Variants in ZNF510 observed in about 807,000 individuals in gnomAD.
ZNF510 encodes zinc finger protein 510.
A neutral mutation model predicts 18.1 loss-of-function variants in ZNF510; 15 were observed. The ratio of observed to expected loss-of-function variants is 0.83; its 90% CI spans 0.55 to 1.28. ZNF510 has a LOEUF of 1.28. ZNF510 is among the 50% of genes most tolerant of loss of function. ZNF510 has a pLI of 0.00. For synonymous variants in ZNF510, 261 were observed against 266.4 expected, an observed-to-expected ratio of 0.98 and a Z score of 0.20; for missense variants, 724 against 791.8, an observed-to-expected ratio of 0.91 and a Z score of 1.03.
chr9:96,770,870 C>T (rs1414382087), intron 3 of ZNF510, among the ~76,000 whole-genome samples: 1 of 152,074 alleles, frequency 6.6e-6, no homozygotes, highest in South Asian at 2.1e-4. Context: ...AAATTGTACA[C>T]TTTAAAAGTG....
chr9:96,774,685 T>A, intron 3 of ZNF510, 103 bp downstream of exon 3: 1 of 1,074,700 alleles, frequency 9.3e-7, no homozygotes, highest in South Asian at 1.5e-5. Context: ...TTTCTATATA[T>A]TCCTTGAATG....
rs974915038 is a variant in ZNF510 at position 96,757,042 on chromosome 9, A to G, written c.*1736T>C. ...AAGTACCTCACCCATAAAGTTATTA[A>G]ATTTGTTTGCCTTCCCATTGCCAAA... On this transcript the variant is annotated 3_prime_UTR_variant, in exon 6 of 6. Transcript: ENST00000223428. The G allele has an allele frequency of 6.6e-6, 1 of 152,234 alleles. No individual in the cohort carries two copies. The highest frequency in any genetic ancestry group is 2.4e-5 in the African/African-American group (1 of 41,460). 9.4% of individuals were successfully genotyped at this position (152,234 alleles called of 1,614,324 possible).
At chr9:96,761,204 T>A (rs1418660841) in intron 5 of ZNF510, among the ~76,000 whole-genome samples, 3 of 152,194 alleles carry the variant, frequency 2.0e-5, no homozygotes, top group African/African-American at 4.8e-5. Flanking sequence ...ATTTATTCCA[T>A]CAGAACTAAG....
rs1303331861 is a variant in ZNF510, at chr9:96,756,396, C to A, written c.*2382G>T. On this transcript the variant is annotated 3_prime_UTR_variant, in exon 6 of 6. Transcript: ENST00000223428. ...AGTGAGCCAGGCCCAATTACAGTAACCTCTATGAATTGAGGGCTCTACTAA... is the reference window on the plus strand; with the variant it reads ...AGTGAGCCAGGCCCAATTACAGTAAACTCTATGAATTGAGGGCTCTACTAA... The A allele has an allele frequency of 1.3e-5, 2 of 152,132 alleles. No homozygotes were observed. Among genetic ancestry groups the A allele is most frequent in the Non-Finnish European group, 2.9e-5 (2 of 68,022 alleles). 9.4% of individuals were successfully genotyped at this position (152,132 alleles called of 1,614,324 possible).
intron 5 of ZNF510, among the ~76,000 whole-genome samples, chr9:96,761,233 A>G (rs1225874986): frequency 5.3e-5 from 8 of 152,200 alleles, no homozygotes; most frequent in Non-Finnish European, 1.2e-4. Context: ...GAACCTGATC[A>G]TCCCATCCTG....
intron 3 of ZNF510, among the ~76,000 whole-genome samples, chr9:96,767,818 A>G (rs1849507413): frequency 6.6e-6 from 1 of 152,144 alleles, no homozygotes; most frequent in Non-Finnish European, 1.5e-5. Context: ...AAAAACTAAC[A>G]CCAATCCTTC....
intron 3 of ZNF510, among the ~76,000 whole-genome samples, chr9:96,769,154 G>A (rs1849535533): frequency 6.6e-6 from 1 of 152,122 alleles, no homozygotes; most frequent in African/African-American, 2.4e-5. Flanking sequence ...CCTCAAAACA[G>A]CCAGGTGTGG....
Position 96,760,336 on chromosome 9 carries a change from G to A in ZNF510, c.494C>T (p.Ala165Val), listed in dbSNP as rs886136614. The A allele has an allele frequency of 1.2e-6, 2 of 1,613,720 alleles. No individual in the cohort carries two copies. Among genetic ancestry groups the A allele is most frequent in the African/African-American group, 1.3e-5 (1 of 74,880 alleles). The change falls in exon 6 of 6, where the codon GCT becomes GTT. Residue 165 changes from alanine to valine, a missense_variant. Coordinates refer to ENST00000223428, the MANE Select transcript of ZNF510 (RefSeq NM_014930.3). ...VLGKPFTLHV[A>V]AVASTKMSCK... ...GGACATTTTTGTTGAAGCAACAGCA[G>A]CTACATGCAGAGTAAATGGTTTCCC...
chr9:96,771,257 T>A (rs1849579628), intron 3 of ZNF510, among the ~76,000 whole-genome samples: 1 of 152,022 alleles, frequency 6.6e-6, no homozygotes. Flanking sequence ...AATCCAGAAA[T>A]AACTTAAAGT....
intron 5 of ZNF510, among the ~76,000 whole-genome samples, 178 bp from the exon 6 acceptor site, chr9:96,760,655 T>C (rs1018461099): frequency 6.6e-6 from 1 of 152,084 alleles, no homozygotes; most frequent in Non-Finnish European, 1.5e-5. Flanking sequence ...ATAATATTGA[T>C]ATAGTGCAAA....
chr9:96,762,678 T>C (rs1165125150), intron 5 of ZNF510, among the ~76,000 whole-genome samples: 1 of 152,154 alleles, frequency 6.6e-6, no homozygotes, highest in Non-Finnish European at 1.5e-5. Flanking sequence ...TTATTTCACC[T>C]CATATCTCAC....
At chr9:96,766,657 A>G (rs1849479288) in intron 3 of ZNF510, among the ~76,000 whole-genome samples, 1 of 152,186 alleles carries the variant, frequency 6.6e-6, no homozygotes, top group Admixed American at 6.5e-5. Context: ...AAAAAAGGAC[A>G]GTCTATCTCA....
intron 1 of ZNF510, chr9:96,777,768 C>T (rs1312495418): frequency 6.6e-6 from 1 of 152,276 alleles, no homozygotes; most frequent in Non-Finnish European, 1.5e-5. Context: ...CTGAAGCCAG[C>T]ACCGCGTTTT....
At position 96,756,368 on chromosome 9, in the gene ZNF510, A is replaced by G. The variant is rs1306421629; in HGVS notation, c.*2410T>C. 1 of 152,176 alleles carries G rather than the reference A, an allele frequency of 6.6e-6. No homozygotes were observed. The highest frequency in any genetic ancestry group is 1.9e-4 in the East Asian group (1 of 5,178). 9.4% of individuals were successfully genotyped at this position (152,176 alleles called of 1,614,324 possible). A position where few individuals can be genotyped will look rare whatever the true frequency, so the allele number is the denominator to read the frequency against. On this transcript the variant is annotated 3_prime_UTR_variant, in exon 6 of 6. Coordinates refer to ENST00000223428, the MANE Select transcript of ZNF510 (RefSeq NM_014930.3). ...CCTAGTAGTTTCAGTTGGCGAAAGC[A>G]TCAGTGAGCCAGGCCCAATTACAGT...
intron 3 of ZNF510, among the ~76,000 whole-genome samples, chr9:96,768,293 A>G (rs1434667388): frequency 6.6e-6 from 1 of 152,244 alleles, no homozygotes; most frequent in African/African-American, 2.4e-5. Flanking sequence ...GGTTTCTTCC[A>G]AATATCAGGA....
Position 96,771,327 on chromosome 9 carries a change from AATCT to A in ZNF510, c.129+3457_129+3460del, listed in dbSNP as rs1261089377. 2.0e-5 allele frequency among the ~76,000 whole-genome samples: 3 copies of A among 152,140 alleles called. No individual in the cohort carries two copies. In the South Asian group the frequency reaches 6.2e-4, roughly 32 times the overall value. ...ATGCAAGGTTGGTTAAACATTGATA[AATCT>A]ATCAATATAATTCAGCTCTTTAACA... On this transcript the variant is annotated intron_variant, in intron 3 of 5. Coordinates refer to ENST00000223428, the MANE Select transcript of ZNF510 (RefSeq NM_014930.3).
chr9:96,763,941 T>A (rs1347533711), intron 3 of ZNF510, among the ~76,000 whole-genome samples: 1 of 151,812 alleles, frequency 6.6e-6, no homozygotes, highest in Non-Finnish European at 1.5e-5. Context: ...ACAAAAAATT[T>A]AAAAAATTAG....
chr9:96,772,083 G>C lies in ZNF510; in HGVS notation c.129+2705C>G, dbSNP rs377670833. Among the ~76,000 whole-genome samples the C allele has an allele frequency of 5.8e-4, 88 of 152,192 alleles. 1 individual carries two copies. The East Asian group carries it at 8.1e-3, about 14-fold the overall frequency. The stretch of plus-strand genomic sequence containing the variant: ...GTACTAGCAAAAAGATAAACTAATT[G>C]GACCAAAGGAAGAAAATATACAGTC... On this transcript the variant is annotated intron_variant, in intron 3 of 5. Transcript: ENST00000223428.
intron 5 of ZNF510, among the ~76,000 whole-genome samples, chr9:96,761,643 CTTGA>C (rs1181600243): frequency 1.3e-5 from 2 of 149,976 alleles, no homozygotes; most frequent in East Asian, 1.9e-4. Context: ...TAATAATTTC[CTTGA>C]TTTTCTTCAT....
Sources: gnomAD v4.1 joint callset for allele counts (sites outside exome capture counted in the v4.1 genomes callset) on GRCh38, gnomAD v4.1.1 for gene constraint, MANE v1.5 for transcripts, NCBI Gene and HGNC (gene_info 2026-07-23, HGNC 2026-07-21) for gene names.